The following ACTR3B variants were observed in gnomAD, a reference collection of about 807,000 sequenced individuals.
ACTR3B encodes actin-related protein 3B.
ACTR3B carries 8 observed loss-of-function variants against 59.0 expected under a neutral mutation model. The observed-to-expected ratio is 0.14, with a 90% confidence interval of 0.08 to 0.24. The LOEUF (loss-of-function observed/expected upper bound fraction) is 0.24, where lower values mean the gene tolerates loss of function less well. Among genes scored for constraint, ACTR3B ranks in the 10% least tolerant of loss-of-function variants. The pLI is 1.00. For synonymous variants in ACTR3B, 148 were observed against 197.9 expected (o/e 0.75, Z 2.12); for missense variants, 245 against 552.3 (o/e 0.44, Z 5.58).
chr7:152,843,199 A>G (rs1476584633), intron 9 of ACTR3B, among the ~76,000 whole-genome samples: 1 of 152,192 alleles, frequency 6.6e-6, no homozygotes, highest in Non-Finnish European at 1.5e-5. Flanking sequence ...AAGCCCATTT[A>G]TCAACTTTTT....
Position 152,778,943 on chromosome 7 carries a change from CAAAAAAAAAAAAAAAAAAAA to C in ACTR3B, c.45-4221_45-4202del, listed in dbSNP as rs59789390. On this transcript the variant is annotated intron_variant, in intron 1 of 11. Coordinates refer to ENST00000256001, the MANE Select transcript of ACTR3B (RefSeq NM_020445.6). ...GGGTGACAGAGTGAGACTGTGTCTCCAAAAAAAAAAAAAAAAAAAAAAAAAAAAAAAAAAAAAAAAAAGGA... is the reference window on the plus strand; with the variant it reads ...GGGTGACAGAGTGAGACTGTGTCTCCAAAAAAAAAAAAAAAAAAAAAAGGA... 6.2e-4 allele frequency among the ~76,000 whole-genome samples: 23 copies of C among 36,822 alleles called. No homozygotes were observed. The East Asian group carries it at 0.01, about 16-fold the overall frequency. The allele number at this position is 36,822 out of a possible 152,430, so 24.2% of individuals were successfully genotyped here. A position where few individuals can be genotyped will look rare whatever the true frequency, so the allele number is the denominator to read the frequency against.
chr7:152,846,784 G>A, intron 9 of ACTR3B, among the ~76,000 whole-genome samples: 1 of 143,520 alleles, frequency 7.0e-6, no homozygotes, highest in Non-Finnish European at 1.5e-5. Flanking sequence ...GCTGTAGTCT[G>A]TAGTGAGCTC....
intron 2 of ACTR3B, among the ~76,000 whole-genome samples, chr7:152,786,795 A>G (rs2098176191): frequency 6.6e-6 from 1 of 152,104 alleles, no homozygotes; most frequent in African/African-American, 2.4e-5. Context: ...ACAAAGATAC[A>G]TTGTTTTGTG....
chr7:152,821,472 GAA>G (rs376567031), intron 7 of ACTR3B, among the ~76,000 whole-genome samples: 68 of 136,154 alleles, frequency 5.0e-4, no homozygotes, highest in African/African-American at 1.7e-3. Context: ...TTTCAAAAAA[GAA>G]AAAAAAAAAA....
chr7:152,777,330 A>T (rs987614130), intron 1 of ACTR3B, among the ~76,000 whole-genome samples: 5 of 152,206 alleles, frequency 3.3e-5, no homozygotes, highest in African/African-American at 1.2e-4. Flanking sequence ...AACAAAAAAA[A>T]CAAAACGGAC....
intron 9 of ACTR3B, among the ~76,000 whole-genome samples, chr7:152,850,576 G>A (rs908942904): frequency 2.0e-5 from 3 of 152,254 alleles, no homozygotes; most frequent in African/African-American, 7.2e-5. Flanking sequence ...TTCCTGCTCT[G>A]ACTTCACCAT....
At chr7:152,831,618 C>T (rs139574361) in intron 9 of ACTR3B, among the ~76,000 whole-genome samples, 2,712 of 152,306 alleles carry the variant, frequency 0.018, 90 homozygotes, top group African/African-American at 0.062. Flanking sequence ...CAACTCAGGT[C>T]GGAGTGAAGG....
intron 9 of ACTR3B, among the ~76,000 whole-genome samples, chr7:152,851,582 AG>A (rs1798808556): frequency 1.3e-5 from 2 of 152,156 alleles, no homozygotes; most frequent in Non-Finnish European, 2.9e-5. Flanking sequence ...CCCCTTCCTC[AG>A]CCCCCCACCG....
intron 4 of ACTR3B, among the ~76,000 whole-genome samples, chr7:152,810,097 C>T (rs1480905686): frequency 6.6e-6 from 1 of 151,998 alleles, no homozygotes; most frequent in African/African-American, 2.4e-5. Context: ...ATTATTTCCC[C>T]TCTCCCTCCA....
chr7:152,845,615 T>C (rs1336628800), intron 9 of ACTR3B, among the ~76,000 whole-genome samples: 1 of 152,250 alleles, frequency 6.6e-6, no homozygotes, highest in African/African-American at 2.4e-5. Flanking sequence ...GTTGCTGGGT[T>C]GTGACCTCCC....
intron 1 of ACTR3B, among the ~76,000 whole-genome samples, chr7:152,767,383 T>C (rs1050062599): frequency 1.3e-5 from 2 of 152,194 alleles, no homozygotes; most frequent in African/African-American, 4.8e-5. Context: ...CACACAGTTT[T>C]AATTAGGCTC....
At chr7:152,789,892 G>GTT (rs143565659) in intron 2 of ACTR3B, among the ~76,000 whole-genome samples, 42 of 131,416 alleles carry the variant, frequency 3.2e-4, no homozygotes, top group East Asian at 2.2e-3. Context: ...TAATCTGAGG[G>GTT]TTTTTTTTAA....
intron 1 of ACTR3B, among the ~76,000 whole-genome samples, chr7:152,772,339 C>T (rs2098126026): frequency 7.1e-6 from 1 of 140,122 alleles, no homozygotes; most frequent in Admixed American, 7.1e-5. Context: ...GGGAACATAG[C>T]AAGACCCTGT....
At chr7:152,848,618 A>T (rs1798552081) in intron 9 of ACTR3B, among the ~76,000 whole-genome samples, 1 of 152,234 alleles carries the variant, frequency 6.6e-6, no homozygotes. Flanking sequence ...ATCATCGGCC[A>T]GCGTGGCCAA....
At chr7:152,814,933 C>G (rs1795568120) in intron 5 of ACTR3B, among the ~76,000 whole-genome samples, 2 of 151,644 alleles carry the variant, frequency 1.3e-5, no homozygotes, top group African/African-American at 4.9e-5. Flanking sequence ...TGTGCTTCTT[C>G]TTTTGGCATC....
chr7:152,759,771 G>C lies in ACTR3B; in HGVS notation c.-112G>C. On this transcript the variant is annotated 5_prime_UTR_variant, in exon 1 of 12. Coordinates refer to ENST00000256001, the MANE Select transcript of ACTR3B (RefSeq NM_020445.6). ...CCGAGCATCCGGGCTCCCGGCAGCG[G>C]CGCTGCGGCGGCTCGCGGGAGACGC... 8 of 864,536 alleles carry C rather than the reference G, an allele frequency of 9.3e-6. No individual in the cohort carries two copies. The highest frequency in any genetic ancestry group is 1.1e-5 in the Non-Finnish European group (8 of 696,538). The allele number at this position is 864,536 out of a possible 1,614,324, so 53.6% of individuals were successfully genotyped here.
At chr7:152,838,811 C>T (rs201016338) in intron 9 of ACTR3B, among the ~76,000 whole-genome samples, 1 of 151,788 alleles carries the variant, frequency 6.6e-6, no homozygotes, top group Non-Finnish European at 1.5e-5. Flanking sequence ...GCCCTCAAGG[C>T]CAGGGTTCCA....
intron 9 of ACTR3B, among the ~76,000 whole-genome samples, chr7:152,835,258 C>A (rs1286446897): frequency 6.6e-6 from 1 of 152,126 alleles, no homozygotes. Flanking sequence ...ATGGGCCAGG[C>A]GTAAGCGTCT....
chr7:152,804,227 C>T (rs767383859), intron 4 of ACTR3B, among the ~76,000 whole-genome samples: 81 of 152,266 alleles, frequency 5.3e-4, no homozygotes, highest in African/African-American at 1.8e-3. Context: ...GAGCTCAGAA[C>T]GCACTCAGAG....
Sources: gnomAD v4.1 joint callset for allele counts (sites outside exome capture counted in the v4.1 genomes callset) on GRCh38, gnomAD v4.1.1 for gene constraint, MANE v1.5 for transcripts, NCBI Gene and HGNC (gene_info 2026-07-23, HGNC 2026-07-21) for gene names.